SCGB1D1: variants seen among roughly 807,000 people sequenced by gnomAD.
The protein encoded by SCGB1D1 is lipophilin A (uteroglobin family member).
A neutral mutation model predicts 8.3 loss-of-function variants in SCGB1D1; 10 were observed. The observed-to-expected ratio is 1.21, with a 90% CI of 0.74 to 2.05. The LOEUF is 2.05. Ranked by LOEUF, SCGB1D1 falls within the 30% of genes most tolerant of loss-of-function variation. The probability of loss-of-function intolerance (pLI) is 0.00; values close to 1 mark genes in which losing one functional copy is unlikely to be tolerated. For missense variants in SCGB1D1, 94 were observed against 105.1 expected (o/e 0.89, Z 0.46); for synonymous variants, 46 against 41.7 (o/e 1.10, Z -0.39).
Position 62,193,510 on chromosome 11 carries a change from G to C in SCGB1D1, c.*82G>C. 1 of 1,211,392 alleles carries C rather than the reference G, an allele frequency of 8.3e-7. No individual in the cohort carries two copies. The highest frequency in any genetic ancestry group is 1.3e-5 in the South Asian group (1 of 76,336). 75.0% of individuals were successfully genotyped at this position (1,211,392 alleles called of 1,614,324 possible). The stretch of plus-strand genomic sequence containing the variant: ...CACTGCAGAATGTAAAGGTTTCAAC[G>C]TCTTGCTCTAATAAATCACTTGCCC... On this transcript the variant is annotated 3_prime_UTR_variant, in exon 3 of 3. Coordinates refer to ENST00000306238, the MANE Select transcript of SCGB1D1 (RefSeq NM_006552.2).
At chr11:62,190,870 A>G (rs11230973) in intron 1 of SCGB1D1, among the ~76,000 whole-genome samples, 45,421 of 152,090 alleles carry the variant, frequency 0.3, 7,997 homozygotes, top group Middle Eastern at 0.47. Flanking sequence ...ATTCAGACTC[A>G]TAAAATGTTA....
intron 2 of SCGB1D1, among the ~76,000 whole-genome samples, chr11:62,192,481 C>T (rs1274561209): frequency 6.6e-6 from 1 of 152,200 alleles, no homozygotes; most frequent in Non-Finnish European, 1.5e-5. Flanking sequence ...TACCTGGATG[C>T]CGTGTCCCCA....
chr11:62,193,302 TG>T, intron 2 of SCGB1D1, 96 bp from the exon 3 acceptor site: 1 of 1,143,758 alleles, frequency 8.7e-7, no homozygotes, highest in South Asian at 1.4e-5. Flanking sequence ...CAATTGTCTT[TG>T]GGAGCAGAAT....
intron 2 of SCGB1D1, among the ~76,000 whole-genome samples, chr11:62,192,696 C>A (rs1413825875): frequency 1.3e-5 from 2 of 152,192 alleles, no homozygotes; most frequent in Non-Finnish European, 2.9e-5. Flanking sequence ...GCAGATGCTG[C>A]GCTGGAGGGC....
In SCGB1D1 at chr11:62,192,242, T is replaced by C. The variant is rs772525147; in HGVS notation, c.242T>C (p.Leu81Ser). The C allele has an allele frequency of 6.3e-7, 1 of 1,599,060 alleles. No homozygotes were observed. The highest frequency in any genetic ancestry group is 8.6e-7 in the Non-Finnish European group (1 of 1,169,350). The change falls in exon 2 of 3, where the codon TTG becomes TCG. Residue 81 changes from leucine (L) to serine (S), a missense_variant and splice_region_variant. Physicochemically the swap from Leu to Ser is moderately radical, Grantham distance 145. Transcript: ENST00000306238. ...YEKRVLITKT[L>S]GKIAEKCDR ...AAAAGAGTGCTAATTACAAAAACAT[T>C]GGTAATTTCTGTCTCTTTCATGTGT...
At chr11:62,192,397 G>T (rs1199350542) in intron 2 of SCGB1D1, among the ~76,000 whole-genome samples, 154 bp downstream of exon 2, 1 of 152,156 alleles carries the variant, frequency 6.6e-6, no homozygotes, top group Non-Finnish European at 1.5e-5. Flanking sequence ...CACAGGGTGG[G>T]TGCTACCATT....
In SCGB1D1 at chr11:62,193,364, G is replaced by T. The variant is rs536771504; in HGVS notation, c.244-35G>T. 5.0e-6 allele frequency: 8 copies of T among 1,607,174 alleles called. No individual in the cohort carries two copies. In the African/African-American group the frequency reaches 9.4e-5, roughly 19 times the overall value. On this transcript the variant is annotated intron_variant, in intron 2 of 2. Coordinates refer to ENST00000306238, the MANE Select transcript of SCGB1D1 (RefSeq NM_006552.2). ...TGTTGTCTCCAGGAGCTGCATGACC[G>T]ACCTCACCTTCCTTTCTTTCCTTTT...
chr11:62,190,583 T>G (rs542290451), intron 1 of SCGB1D1, among the ~76,000 whole-genome samples: 1 of 152,180 alleles, frequency 6.6e-6, no homozygotes, highest in Non-Finnish European at 1.5e-5. Context: ...GCTTCACTCT[T>G]GGATGGGATC....
At chr11:62,192,589 A>T (rs1038687629) in intron 2 of SCGB1D1, among the ~76,000 whole-genome samples, 3 of 152,198 alleles carry the variant, frequency 2.0e-5, no homozygotes, top group Non-Finnish European at 4.4e-5. Context: ...TCCTGAGGCC[A>T]AGTGGACCTC....
intron 1 of SCGB1D1, among the ~76,000 whole-genome samples, chr11:62,190,543 A>G (rs1029039499): frequency 7.9e-5 from 12 of 152,316 alleles, no homozygotes; most frequent in East Asian, 7.7e-4. Flanking sequence ...CAGAAAATCA[A>G]TGCAGGCGAA....
chr11:62,193,539 A>G lies in SCGB1D1; in HGVS notation c.*111A>G. 1.1e-6 allele frequency: 1 copy of G among 913,662 alleles called. No homozygotes were observed. The highest frequency in any genetic ancestry group is 1.7e-6 in the Non-Finnish European group (1 of 591,944). The allele number at this position is 913,662 out of a possible 1,614,324, so 56.6% of individuals were successfully genotyped here. ...TGCTCTAATAAATCACTTGCCCTGA[A>G]CTTCTCCACTGGTCGTGTTATCCTG... On this transcript the variant is annotated 3_prime_UTR_variant, in exon 3 of 3. Transcript: ENST00000306238.
chr11:62,191,181 C>T (rs1944675358), intron 1 of SCGB1D1, among the ~76,000 whole-genome samples: 2 of 152,098 alleles, frequency 1.3e-5, no homozygotes, highest in South Asian at 2.1e-4. Context: ...CCCTGTTTCC[C>T]TGTGACACCC....
At chr11:62,191,084 C>T (rs923078721) in intron 1 of SCGB1D1, among the ~76,000 whole-genome samples, 7 of 152,156 alleles carry the variant, frequency 4.6e-5, no homozygotes, top group Non-Finnish European at 1.0e-4. Flanking sequence ...GCTGATTTTT[C>T]CCCAGTTCAT....
chr11:62,190,399 G>A (rs1208330458), intron 1 of SCGB1D1, 60 bp downstream of exon 1: 26 of 1,604,758 alleles, frequency 1.6e-5, no homozygotes, highest in Middle Eastern at 3.3e-4. Flanking sequence ...CTCTGAGCAC[G>A]AGGTCACCTA....
chr11:62,193,329 G>A (rs1944694113), intron 2 of SCGB1D1, 70 bp from the exon 3 acceptor site: 2 of 1,403,758 alleles, frequency 1.4e-6, no homozygotes, highest in Non-Finnish European at 2.0e-6. Context: ...CGGCCACTTG[G>A]ATGTTAACCT....
chr11:62,193,281 C>A, intron 2 of SCGB1D1, 118 bp from the exon 3 acceptor site: 1 of 844,074 alleles, frequency 1.2e-6, no homozygotes, highest in Non-Finnish European at 1.8e-6. Context: ...TGGGTTCCTG[C>A]CTCTACCCTT....
chr11:62,190,473 G>A, intron 1 of SCGB1D1, 134 bp downstream of exon 1: 2 of 1,055,154 alleles, frequency 1.9e-6, no homozygotes, highest in Non-Finnish European at 2.8e-6. Context: ...GCTTGTTGAA[G>A]GAACTGCTCA....
rs374573915 is a variant in SCGB1D1 at position 62,192,082 on chromosome 11, G to T, written c.82G>T (p.Gly28Cys). The T allele has an allele frequency of 3.7e-6, 6 of 1,610,236 alleles. No individual in the cohort carries two copies. Among genetic ancestry groups the T allele is most frequent in the East Asian group, 4.5e-5 (2 of 44,804 alleles). Residue 28 changes from glycine to cysteine, a missense_variant, in exon 2 of 3, where the codon GGT becomes TGT. Coordinates refer to ENST00000306238, the MANE Select transcript of SCGB1D1 (RefSeq NM_006552.2). ...RANAVVCQAL[G>C]SEITGFLLAG... The stretch of plus-strand genomic sequence containing the variant: ...AAATGCAGTGGTCTGCCAAGCTCTT[G>T]GTTCTGAAATCACAGGCTTCTTATT...
chr11:62,190,438 A>G, intron 1 of SCGB1D1, 99 bp downstream of exon 1: 2 of 1,467,192 alleles, frequency 1.4e-6, no homozygotes. Context: ...TCTGGAACAA[A>G]CCAAAATTCC....
Sources: allele counts gnomAD v4.1 joint callset (sites outside exome capture counted in the v4.1 genomes callset), GRCh38; gene constraint gnomAD v4.1.1; transcripts MANE v1.5; gene names NCBI Gene and HGNC (gene_info 2026-07-23, HGNC 2026-07-21).